Variants in GRIK1 observed in about 807,000 individuals in gnomAD.
The protein encoded by GRIK1 is glutamate ionotropic receptor kainate type subunit 1, also known as glutamate receptor ionotropic, kainate 1.
In GRIK1, 69 loss-of-function variants were observed where a neutral mutation model predicts 105.7. The observed-to-expected ratio is 0.65, with a 90% CI of 0.54 to 0.80. The LOEUF is 0.80. Ranked by LOEUF, GRIK1 falls within the 30% of genes least tolerant of loss-of-function variation. The pLI is 0.00. For missense variants in GRIK1, 1,109 were observed against 1,167.3 expected, an observed-to-expected ratio of 0.95 and a Z score of 0.73; for synonymous variants, 438 against 431.3, an observed-to-expected ratio of 1.02 and a Z score of -0.19.
At chr21:29,729,612 T>C (rs1286397526) in intron 1 of GRIK1, among the ~76,000 whole-genome samples, 1 of 152,148 alleles carries the variant, frequency 6.6e-6, no homozygotes, top group Non-Finnish European at 1.5e-5. Flanking sequence ...AAATAAATTA[T>C]ATAGGCTGTG....
intron 6 of GRIK1, among the ~76,000 whole-genome samples, chr21:29,644,151 G>A (rs1390718639): frequency 6.6e-6 from 1 of 152,056 alleles, no homozygotes; most frequent in Non-Finnish European, 1.5e-5. Context: ...TCATGTCTTG[G>A]TGGAGGTAGA....
intron 15 of GRIK1, among the ~76,000 whole-genome samples, chr21:29,560,286 T>TCTTTCTTTCTTTC (rs2090362833): frequency 1.5e-4 from 9 of 59,080 alleles, no homozygotes; most frequent in African/African-American, 7.1e-4. Flanking sequence ...CAGTTTTCTT[T>TCTTTCTTTCTTTC]CTTTCTTTCT....
intron 12 of GRIK1, among the ~76,000 whole-genome samples, chr21:29,586,755 C>A (rs537708874): frequency 5.9e-5 from 9 of 152,300 alleles, no homozygotes; most frequent in African/African-American, 2.2e-4. Flanking sequence ...AGTAAAACCT[C>A]AATTGAATCA....
intron 1 of GRIK1, among the ~76,000 whole-genome samples, chr21:29,728,461 A>T (rs1337543183): frequency 4.6e-5 from 7 of 152,202 alleles, no homozygotes; most frequent in Admixed American, 4.6e-4. Context: ...AGATGAGTGA[A>T]GGGCCAAGGG....
intron 1 of GRIK1, 60 bp downstream of exon 1, chr21:29,939,323 A>G: frequency 1.1e-5 from 11 of 1,011,010 alleles, no homozygotes; most frequent in South Asian, 1.4e-5. Flanking sequence ...GACCCGCTAC[A>G]CCCGCGTTGG....
intron 1 of GRIK1, among the ~76,000 whole-genome samples, chr21:29,867,803 AGAAAGAAAGAAAGAAT>A (rs1306104207): frequency 1.7e-4 from 25 of 144,350 alleles, no homozygotes; most frequent in African/African-American, 5.8e-4. Context: ...GAAAGAAGAA[AGAAAGAAAGAAAGAAT>A]GAAAGAAAGA....
intron 5 of GRIK1, among the ~76,000 whole-genome samples, chr21:29,653,326 TG>T (rs1160787897): frequency 6.6e-6 from 1 of 152,220 alleles, no homozygotes; most frequent in Non-Finnish European, 1.5e-5. Flanking sequence ...ATTAAACATG[TG>T]CAAAATTAGG....
At chr21:29,641,931 C>A (rs528158419) in intron 7 of GRIK1, among the ~76,000 whole-genome samples, 1 of 152,148 alleles carries the variant, frequency 6.6e-6, no homozygotes, top group East Asian at 1.9e-4. Context: ...CCTGTGCCCT[C>A]CCTCTTCTTT....
chr21:29,607,117 T>C (rs1044518795), intron 7 of GRIK1, among the ~76,000 whole-genome samples: 4 of 152,184 alleles, frequency 2.6e-5, no homozygotes, highest in African/African-American at 9.7e-5. Context: ...AGTTTTCCTT[T>C]GGTGGCAGGA....
intron 7 of GRIK1, among the ~76,000 whole-genome samples, chr21:29,640,477 C>A (rs2062489442): frequency 1.3e-5 from 2 of 152,282 alleles, no homozygotes; most frequent in African/African-American, 4.8e-5. Flanking sequence ...GTTTCTGATT[C>A]ATTCCCCCCT....
chr21:29,696,682 G>T (rs1372963981), intron 1 of GRIK1, among the ~76,000 whole-genome samples: 5 of 152,210 alleles, frequency 3.3e-5, no homozygotes. Context: ...GGGAGAGCCC[G>T]CATGTAGAGA....
intron 1 of GRIK1, among the ~76,000 whole-genome samples, chr21:29,774,730 G>A (rs1409826404): frequency 1.3e-5 from 2 of 152,008 alleles, no homozygotes; most frequent in African/African-American, 2.4e-5. Flanking sequence ...GATTACAGGC[G>A]TGAGCCACTG....
In GRIK1 at chr21:29,621,352, T is replaced by C. The variant is rs114485069; in HGVS notation, c.1098+21474A>G. Among the ~76,000 whole-genome samples the C allele has an allele frequency of 8.3e-3, 1,262 of 152,220 alleles. 11 individuals are homozygous for C. Among genetic ancestry groups the C allele is most frequent in the African/African-American group, 0.029 (1,199 of 41,512 alleles). On this transcript the variant is annotated intron_variant, in intron 7 of 17. Transcript: ENST00000327783. ...GTGGCACCTGACAGAAATCCTGCTA[T>C]GTAACTAGAAAATTGATATAAATAT...
At chr21:29,913,370 A>T (rs549008312) in intron 1 of GRIK1, among the ~76,000 whole-genome samples, 1 of 152,214 alleles carries the variant, frequency 6.6e-6, no homozygotes, top group Admixed American at 6.6e-5. Context: ...TTCTGTTTTT[A>T]AAATTTTACT....
In GRIK1 at chr21:29,689,965, C is replaced by G; in HGVS notation, c.307G>C (p.Gly103Arg). The change falls in exon 3 of 18, where the codon GGT (glycine) becomes CGT (arginine). Residue 103 changes from glycine (G) to arginine (R), a missense_variant. Gly to Arg is a moderately radical substitution (Grantham distance 125, BLOSUM62 -2). This residue lies in a region of GRIK1 where 612 missense variants were observed against 586.0 expected (regional missense o/e 1.04). Transcript: ENST00000327783. Reference sequence around the variant, plus strand: ...GAAGGGCCAAAGAGAGCAGCCACACCAAGAGCCAGCTGGTCACATGCTGAT... The same window carrying G: ...GAAGGGCCAAAGAGAGCAGCCACACGAAGAGCCAGCTGGTCACATGCTGAT... Reference protein sequence around the residue: ...SRRACDQLALGVAALFGPSHS... With the variant: ...SRRACDQLALRVAALFGPSHS... 6.5e-7 allele frequency: 1 copy of G among 1,529,130 alleles called. No homozygotes were observed. Among genetic ancestry groups the G allele is most frequent in the Non-Finnish European group, 8.9e-7 (1 of 1,126,954 alleles). The allele number at this position is 1,529,130 out of a possible 1,614,324, so 94.7% of individuals were successfully genotyped here.
chr21:29,547,843 A>G (rs1447714312), intron 16 of GRIK1, among the ~76,000 whole-genome samples: 2 of 152,230 alleles, frequency 1.3e-5, no homozygotes, highest in African/African-American at 4.8e-5. Context: ...GACTCCAGAG[A>G]AATAGAACTG....
chr21:29,694,156 G>A (rs774105042), intron 1 of GRIK1, 93 bp from the exon 2 acceptor site: 53 of 798,560 alleles, frequency 6.6e-5, no homozygotes, highest in Non-Finnish European at 9.7e-5. Flanking sequence ...ACGGAGTCTC[G>A]CTCTGTCACC....
At chr21:29,867,658 G>T (rs1437988657) in intron 1 of GRIK1, among the ~76,000 whole-genome samples, 1 of 152,070 alleles carries the variant, frequency 6.6e-6, no homozygotes, top group African/African-American at 2.4e-5. Context: ...GCCAGGCATG[G>T]TGGCGCATGC....
intron 14 of GRIK1, among the ~76,000 whole-genome samples, chr21:29,570,947 G>T (rs2090732093): frequency 6.7e-6 from 1 of 149,636 alleles, no homozygotes; most frequent in Admixed American, 6.7e-5. Context: ...CTATTCTCTT[G>T]TGTAAATACA....
Sources: gnomAD v4.1 joint callset for allele counts (sites outside exome capture counted in the v4.1 genomes callset) on GRCh38, gnomAD v4.1.1 for gene constraint, gnomAD v4.1.1 regional missense constraint, MANE v1.5 for transcripts, NCBI Gene and HGNC (gene_info 2026-07-23, HGNC 2026-07-21) for gene names.